The following GAP43 variants were observed in gnomAD, a reference collection of about 807,000 sequenced individuals.
GAP43 encodes the protein neuromodulin.
GAP43 carries 6 observed loss-of-function variants against 18.6 expected under a neutral mutation model. The observed-to-expected ratio is 0.32, with a 90% CI of 0.18 to 0.64. The LOEUF is 0.64. Among genes scored for constraint, GAP43 ranks in the 30% least tolerant of loss-of-function variants. The probability of loss-of-function intolerance (pLI) is 0.78; values close to 1 mark genes in which losing one functional copy is unlikely to be tolerated. For synonymous variants in GAP43, 115 were observed against 111.4 expected, an observed-to-expected ratio of 1.03 and a Z score of -0.20; for missense variants, 292 against 295.5, an observed-to-expected ratio of 0.99 and a Z score of 0.09.
intron 2 of GAP43, among the ~76,000 whole-genome samples, chr3:115,715,410 T>G (rs1457898403): frequency 6.6e-6 from 1 of 152,232 alleles, no homozygotes. Context: ...TCTACTCACT[T>G]GTTCTATGTC....
At chr3:115,668,499 A>G (rs1708762367) in intron 1 of GAP43, among the ~76,000 whole-genome samples, 1 of 152,152 alleles carries the variant, frequency 6.6e-6, no homozygotes, top group South Asian at 2.1e-4. Flanking sequence ...ATCTCAGCTC[A>G]TCGCAACCTC....
At chr3:115,677,115 C>T (rs1708902832) in intron 2 of GAP43, among the ~76,000 whole-genome samples, 1 of 152,128 alleles carries the variant, frequency 6.6e-6, no homozygotes, top group African/African-American at 2.4e-5. Flanking sequence ...ACCACCCTTC[C>T]CTATCTCACA....
At chr3:115,689,921 G>A (rs1425108637) in intron 2 of GAP43, among the ~76,000 whole-genome samples, 2 of 152,220 alleles carry the variant, frequency 1.3e-5, no homozygotes, top group Non-Finnish European at 2.9e-5. Context: ...AGCAAGAGGT[G>A]TGGGAGAAGC....
chr3:115,716,773 G>T (rs569905507), intron 2 of GAP43, among the ~76,000 whole-genome samples: 118 of 121,696 alleles, frequency 9.7e-4, no homozygotes, highest in East Asian at 2.5e-3. Flanking sequence ...TATATACAGA[G>T]AGAGAGAGAG....
chr3:115,719,762 G>A (rs1709554068), intron 2 of GAP43, among the ~76,000 whole-genome samples: 1 of 152,194 alleles, frequency 6.6e-6, no homozygotes, highest in Admixed American at 6.5e-5. Flanking sequence ...TGAGTCCCAT[G>A]AGTCCTCCTA....
At chr3:115,699,294 G>A (rs531780936) in intron 2 of GAP43, among the ~76,000 whole-genome samples, 2 of 152,274 alleles carry the variant, frequency 1.3e-5, no homozygotes, top group South Asian at 2.1e-4. Context: ...CTTACAAAGA[G>A]AATTTTGTTT....
intron 1 of GAP43, among the ~76,000 whole-genome samples, chr3:115,641,791 T>A (rs1483570199): frequency 6.6e-6 from 1 of 152,074 alleles, no homozygotes; most frequent in Non-Finnish European, 1.5e-5. Flanking sequence ...TTCTTTTATC[T>A]TGTATTTATT....
chr3:115,655,222 T>C (rs1708565409), intron 1 of GAP43, among the ~76,000 whole-genome samples: 3 of 152,216 alleles, frequency 2.0e-5, no homozygotes, highest in South Asian at 4.1e-4. Context: ...CACCAGAATA[T>C]TTCTAAACTC....
intron 2 of GAP43, among the ~76,000 whole-genome samples, chr3:115,683,122 TGTGCGCGCGC>T (rs1420020633): frequency 4.3e-3 from 193 of 45,254 alleles, no homozygotes; most frequent in African/African-American, 8.6e-3. Context: ...TCTACATACA[TGTGCGCGCGC>T]GTGCGCGCGC....
In GAP43 at chr3:115,676,082, G is replaced by T. The variant is rs771573504; in HGVS notation, c.100G>T (p.Ala34Ser). 2 of 1,614,132 alleles carry T rather than the reference G, an allele frequency of 1.2e-6. No individual in the cohort carries two copies. Among genetic ancestry groups the T allele is most frequent in the African/African-American group, 1.3e-5 (1 of 75,024 alleles). The change falls in exon 2 of 3, where the codon GCC (alanine) becomes TCC (serine). Residue 34 changes from alanine (A) to serine (S), a missense_variant. Physicochemically the swap from Ala to Ser is moderately conservative, Grantham distance 99. Coordinates refer to ENST00000305124, the MANE Select transcript of GAP43 (RefSeq NM_002045.4). ...CAAACCAGAAGATAAAGCTCATAAG[G>T]CCGCAACCAAAATTCAGGCTAGCTT... is the stretch of plus-strand genomic sequence containing the variant. ...GIKPEDKAHK[A>S]ATKIQASFRG...
intron 2 of GAP43, among the ~76,000 whole-genome samples, chr3:115,696,674 A>T (rs1302580432): frequency 6.8e-6 from 1 of 147,610 alleles, no homozygotes; most frequent in Non-Finnish European, 1.5e-5. Flanking sequence ...AAATTTATAG[A>T]GTTCACTCTC....
At chr3:115,690,134 C>T (rs925785140) in intron 2 of GAP43, among the ~76,000 whole-genome samples, 3 of 152,232 alleles carry the variant, frequency 2.0e-5, no homozygotes, top group African/African-American at 4.8e-5. Flanking sequence ...AAACAGCAGG[C>T]CCTAAAGGGT....
At chr3:115,669,971 ATTTTTTT>A in intron 1 of GAP43, among the ~76,000 whole-genome samples, 1 of 95,486 alleles carries the variant, frequency 1.0e-5, no homozygotes, top group African/African-American at 3.2e-5. Flanking sequence ...TTTTATTTTT[ATTTTTTT>A]TTTTTAATTT....
intron 1 of GAP43, among the ~76,000 whole-genome samples, chr3:115,631,929 T>G (rs1178218022): frequency 6.6e-6 from 1 of 152,164 alleles, no homozygotes; most frequent in Non-Finnish European, 1.5e-5. Flanking sequence ...AGAGTAAATA[T>G]TAACCATGCT....
In GAP43 at chr3:115,720,792, A is replaced by C; in HGVS notation, c.629-2A>C. ...CCCATCCTATCTTGTTTTCTTTCTC[A>C]GAAGCTGTAGATGAAACCAAACCTA... is the stretch of plus-strand genomic sequence containing the variant. On this transcript the variant is annotated splice_acceptor_variant, in intron 2 of 2. Transcript: ENST00000305124. LOFTEE classifies it high-confidence loss of function. The C allele has an allele frequency of 6.2e-7, 1 of 1,610,380 alleles. No individual in the cohort carries two copies. Among genetic ancestry groups the C allele is most frequent in the Non-Finnish European group, 8.5e-7 (1 of 1,177,382 alleles).
At chr3:115,640,224 GA>G (rs994289783) in intron 1 of GAP43, among the ~76,000 whole-genome samples, 9 of 152,176 alleles carry the variant, frequency 5.9e-5, no homozygotes, top group African/African-American at 1.9e-4. Context: ...CACTTTAGCT[GA>G]AAAAATATGT....
At chr3:115,674,534 A>C (rs1708856363) in intron 1 of GAP43, among the ~76,000 whole-genome samples, 1 of 152,240 alleles carries the variant, frequency 6.6e-6, no homozygotes, top group South Asian at 2.1e-4. Context: ...TCTTGTCTTT[A>C]GTACTAAGAT....
intron 2 of GAP43, among the ~76,000 whole-genome samples, chr3:115,716,585 A>C (rs1709504409): frequency 6.6e-6 from 1 of 151,088 alleles, no homozygotes; most frequent in African/African-American, 2.4e-5. Flanking sequence ...GTGGCCTATA[A>C]AACTTTCACT....
intron 2 of GAP43, among the ~76,000 whole-genome samples, chr3:115,711,738 C>T (rs957624787): frequency 2.0e-5 from 3 of 152,136 alleles, no homozygotes; most frequent in African/African-American, 7.2e-5. Flanking sequence ...TCAATAGACC[C>T]ACAGATTCCA....
Sources: allele counts gnomAD v4.1 joint callset (sites outside exome capture counted in the v4.1 genomes callset), GRCh38; gene constraint gnomAD v4.1.1; transcripts MANE v1.5; gene names NCBI Gene and HGNC (gene_info 2026-07-23, HGNC 2026-07-21).